The following NECTIN1 variants were observed in gnomAD, a reference collection of about 807,000 sequenced individuals.
NECTIN1 encodes nectin-1.
A neutral mutation model predicts 48.0 loss-of-function variants in NECTIN1; 23 were observed. That is an observed-to-expected ratio of 0.48 (90% CI 0.34 to 0.68). The LOEUF (loss-of-function observed/expected upper bound fraction) is 0.68, where lower values mean the gene tolerates loss of function less well. Among genes scored for constraint, NECTIN1 ranks in the 30% least tolerant of loss-of-function variants. The probability of loss-of-function intolerance (pLI) is 0.01; values close to 1 mark genes in which losing one functional copy is unlikely to be tolerated. For missense variants in NECTIN1, 591 were observed against 709.9 expected, an observed-to-expected ratio of 0.83 and a Z score of 1.90; for synonymous variants, 270 against 288.9, an observed-to-expected ratio of 0.93 and a Z score of 0.66.
At chr11:119,713,720 G>A (rs1175643925) in intron 1 of NECTIN1, 1 of 395,796 alleles carries the variant, frequency 2.5e-6, no homozygotes, top group Non-Finnish European at 5.1e-6. Context: ...GATGACCTGA[G>A]GGGCAGTCAT....
At chr11:119,706,646 C>T (rs771933724) in intron 1 of NECTIN1, among the ~76,000 whole-genome samples, 4 of 152,230 alleles carry the variant, frequency 2.6e-5, no homozygotes, top group African/African-American at 2.4e-5. Context: ...GGCTTCTAAT[C>T]GCTTGGAAAT....
chr11:119,671,592 G>A (rs1043244024), intron 5 of NECTIN1, among the ~76,000 whole-genome samples: 3 of 152,142 alleles, frequency 2.0e-5, no homozygotes, highest in South Asian at 2.1e-4. Context: ...GTTTGCCTCC[G>A]AAACCAATGC....
chr11:119,669,548 C>G (rs1315089933), intron 5 of NECTIN1, among the ~76,000 whole-genome samples: 1 of 152,178 alleles, frequency 6.6e-6, no homozygotes, highest in Non-Finnish European at 1.5e-5. Context: ...TGATTCCATC[C>G]TTTCCCTCTG....
In NECTIN1 at chr11:119,677,683, T is replaced by C. The variant is rs143539245; in HGVS notation, c.605A>G (p.Asn202Ser). The C allele has an allele frequency of 9.9e-6, 16 of 1,613,976 alleles. No homozygotes were observed. The highest frequency in any genetic ancestry group is 1.3e-5 in the Non-Finnish European group (15 of 1,180,008). ...EAEYQEIRNP[N>S]GTVTVISRYR... Reference sequence around the variant, plus strand: ...GCGGCTGATGACCGTCACTGTGCCATTGGGGTTCCGGATCTCCTGGTACTC... The same window carrying C: ...GCGGCTGATGACCGTCACTGTGCCACTGGGGTTCCGGATCTCCTGGTACTC... The change falls in exon 3 of 6, where the codon AAT becomes AGT. Residue 202 changes from asparagine (N) to serine (S), a missense_variant. By Grantham distance (46) the Asn-to-Ser change is conservative. Transcript: ENST00000264025. This position sits in a 1 kb window ranked among gnomAD's most constrained non-coding sequence, Gnocchi z 5.4.
chr11:119,719,805 G>A (rs986970950), intron 1 of NECTIN1, among the ~76,000 whole-genome samples: 2 of 152,212 alleles, frequency 1.3e-5, no homozygotes, highest in African/African-American at 4.8e-5. Flanking sequence ...AGGATGGAGA[G>A]TAATTGTTGG....
chr11:119,656,987 C>A (rs1322613814), downstream of NECTIN1, among the ~76,000 whole-genome samples: 1 of 152,136 alleles, frequency 6.6e-6, no homozygotes, highest in African/African-American at 2.4e-5. Flanking sequence ...TGGTCTAAAC[C>A]CCAAAAACCT....
downstream of NECTIN1, among the ~76,000 whole-genome samples, chr11:119,656,700 C>A (rs910246991): frequency 3.3e-5 from 5 of 152,194 alleles, no homozygotes; most frequent in African/African-American, 1.2e-4. Context: ...CGTTAGGGAT[C>A]TTCAGGCCCG....
At chr11:119,645,257 G>T (rs1195190934) in intron 5 of NECTIN1, among the ~76,000 whole-genome samples, 1 of 152,198 alleles carries the variant, frequency 6.6e-6, no homozygotes, top group Non-Finnish European at 1.5e-5. Flanking sequence ...GCCCACGTGT[G>T]CTGGACTGAC....
chr11:119,690,398 C>G (rs1405454977), intron 1 of NECTIN1, among the ~76,000 whole-genome samples: 1 of 152,144 alleles, frequency 6.6e-6, no homozygotes, highest in Non-Finnish European at 1.5e-5. Flanking sequence ...GATCACAGAC[C>G]TCCGAGCTGG....
chr11:119,694,257 G>C (rs1433999906), intron 1 of NECTIN1, among the ~76,000 whole-genome samples: 3 of 152,172 alleles, frequency 2.0e-5, no homozygotes, highest in Admixed American at 2.0e-4. Context: ...GAGAAGAGGG[G>C]TGGGAAGGAG....
At chr11:119,679,824 TC>T (rs1401910429) in intron 1 of NECTIN1, among the ~76,000 whole-genome samples, 2 of 152,120 alleles carry the variant, frequency 1.3e-5, no homozygotes, top group African/African-American at 4.8e-5. Context: ...AGATGGCCCT[TC>T]CCCTTCTCCA....
At chr11:119,706,412 A>T (rs900457503) in intron 1 of NECTIN1, among the ~76,000 whole-genome samples, 2 of 151,180 alleles carry the variant, frequency 1.3e-5, no homozygotes, top group African/African-American at 2.4e-5. Flanking sequence ...ACCCCAACTC[A>T]CCCCCCAGCG....
chr11:119,712,963 C>CT (rs1388699202), intron 1 of NECTIN1: 4 of 152,210 alleles, frequency 2.6e-5, no homozygotes, highest in Non-Finnish European at 4.4e-5. Flanking sequence ...GGCAGTTACC[C>CT]ACAGGTGCTC....
In NECTIN1 at chr11:119,675,196, G is replaced by C. The variant is rs774045034; in HGVS notation, c.966C>G (p.Ile322Met). Residue 322 changes from isoleucine to methionine, a missense_variant, in exon 5 of 6, where the codon ATC becomes ATG. Transcript: ENST00000264025. Reference protein sequence around the residue: ...GTYICEATNPIGTRSGQVEVN... With the variant: ...GTYICEATNPMGTRSGQVEVN... Reference sequence around the variant, plus strand: ...CCTCCACCTGGCCTGAGCGTGTACCGATGGGGTTGGTGGCCTCACAGATGT... The same window carrying C: ...CCTCCACCTGGCCTGAGCGTGTACCCATGGGGTTGGTGGCCTCACAGATGT... The C allele has an allele frequency of 2.5e-6, 4 of 1,614,062 alleles. No individual in the cohort carries two copies. Among genetic ancestry groups the C allele is most frequent in the Admixed American group, 3.3e-5 (2 of 60,010 alleles).
Position 119,661,403 on chromosome 11 carries a change from G to GT in NECTIN1, c.*3343_*3344insA, listed in dbSNP as rs1367082541. 6 of 986,020 alleles carry GT rather than the reference G, an allele frequency of 6.1e-6. No homozygotes were observed. In the South Asian group the frequency reaches 2.8e-4, roughly 46 times the overall value. The allele number at this position is 986,020 out of a possible 1,614,324, so 61.1% of individuals were successfully genotyped here. On this transcript the variant is annotated 3_prime_UTR_variant, in exon 6 of 6. Transcript: ENST00000264025. ...CCTGCCTCCTGGCATCCCCGGTACTGGGCAGTGTGTGAAGCCTCCCTGTGG... is the reference window on the plus strand; with the variant it reads ...CCTGCCTCCTGGCATCCCCGGTACTGTGGCAGTGTGTGAAGCCTCCCTGTGG...
At chr11:119,670,264 T>C (rs1436028181) in intron 5 of NECTIN1, among the ~76,000 whole-genome samples, 2 of 152,150 alleles carry the variant, frequency 1.3e-5, no homozygotes, top group Admixed American at 1.3e-4. Context: ...CCAGCCTACA[T>C]ATTTTTTAAA....
At chr11:119,694,668 C>T (rs1008744654) in intron 1 of NECTIN1, among the ~76,000 whole-genome samples, 1 of 152,182 alleles carries the variant, frequency 6.6e-6, no homozygotes, top group African/African-American at 2.4e-5. Context: ...GATGGTGACA[C>T]ACCAGTTTTG....
At chr11:119,710,301 C>T (rs1198102247) in intron 1 of NECTIN1, among the ~76,000 whole-genome samples, 3 of 152,242 alleles carry the variant, frequency 2.0e-5, no homozygotes, top group South Asian at 2.1e-4. Flanking sequence ...TGCACAGACA[C>T]ATTCCTCTAA....
intron 1 of NECTIN1, among the ~76,000 whole-genome samples, chr11:119,724,031 G>A (rs886110151): frequency 6.6e-6 from 1 of 152,090 alleles, no homozygotes; most frequent in African/African-American, 2.4e-5. Flanking sequence ...TTTCTGCTGC[G>A]TGAACCCAGG....
Sources: gnomAD v4.1 joint callset for allele counts (sites outside exome capture counted in the v4.1 genomes callset) on GRCh38, gnomAD v4.1.1 for gene constraint, Gnocchi (gnomAD v3.1) non-coding constraint, MANE v1.5 for transcripts, NCBI Gene and HGNC (gene_info 2026-07-23, HGNC 2026-07-21) for gene names.